CLTRN: variants seen among roughly 807,000 people sequenced by gnomAD.
The protein encoded by CLTRN is collectrin, amino acid transport regulator.
Under a neutral mutation model 14.5 loss-of-function variants are expected in CLTRN, and 12 were observed. The ratio of observed to expected loss-of-function variants is 0.83; its 90% confidence interval spans 0.53 to 1.34. The LOEUF is 1.34. CLTRN is among the 40% of genes most tolerant of loss of function. The probability of loss-of-function intolerance (pLI) is 0.00; values close to 1 mark genes in which losing one functional copy is unlikely to be tolerated. For missense variants in CLTRN, 154 were observed against 165.1 expected (o/e 0.93, Z 0.37); for synonymous variants, 58 against 56.5 (o/e 1.03, Z -0.12).
upstream of CLTRN, chrX:15,664,816 A>T: frequency 9.1e-7 from 1 of 1,103,939 alleles, no homozygotes; most frequent in Non-Finnish European, 1.2e-6. Context: ...GAGAAAAAAA[A>T]AATCCACGCT....
At chrX:15,657,115 T>C (rs747406751) in intron 3 of CLTRN, among the ~76,000 whole-genome samples, 3 of 110,610 alleles carry the variant, frequency 2.7e-5, no homozygotes, top group Admixed American at 9.6e-5. Flanking sequence ...CTCAGCCTCC[T>C]GAGTAGCTGG....
chrX:15,634,638 G>A (rs182722603), intron 5 of CLTRN, among the ~76,000 whole-genome samples: 122 of 109,460 alleles, frequency 1.1e-3, no homozygotes, highest in African/African-American at 4.0e-3. Context: ...CTCCCTAATT[G>A]TTGCCCCAAA....
chrX:15,646,462 A>ACCCCCCCCCCCCACCCC, intron 3 of CLTRN: 1 of 170,839 alleles, frequency 5.9e-6, no homozygotes. Context: ...CCGCGCACCC[A>ACCCCCCCCCCCCACCCC]CCCCCCCGCC....
At chrX:15,665,027 A>T (rs781004153), upstream of CLTRN, 34 of 352,986 alleles carry the variant, frequency 9.6e-5, no homozygotes, top group Non-Finnish European at 1.5e-4. Context: ...ACTCTACCTC[A>T]AAAGAATGTC....
chrX:15,628,021 G>A lies in CLTRN; in HGVS notation c.619C>T (p.His207Tyr). 1 of 1,134,789 alleles carries A rather than the reference G, an allele frequency of 8.8e-7. No homozygotes were observed. The highest frequency in any genetic ancestry group is 1.2e-6 in the Non-Finnish European group (1 of 852,405). 93.5% of individuals were successfully genotyped at this position (1,134,789 alleles called of 1,213,427 possible). ...PSDPLDMKGG[H>Y]INDAFMTEDE... ...TCTGTCATGAAGGCATCATTAATAT[G>A]CCCTCCCTTCATGTCCAGGGGATCA... Residue 207 changes from histidine to tyrosine, a missense_variant, in exon 6 of 6, where the codon CAT (histidine) becomes TAT (tyrosine). Transcript: ENST00000380342.
intron 3 of CLTRN, among the ~76,000 whole-genome samples, chrX:15,651,909 C>T (rs1056458102): frequency 1.8e-5 from 2 of 111,553 alleles, no homozygotes; most frequent in Non-Finnish European, 3.8e-5. Context: ...GAAACTTTAT[C>T]TACTCACCTA....
intron 3 of CLTRN, among the ~76,000 whole-genome samples, chrX:15,645,719 G>C (rs183091920): frequency 7.2e-4 from 81 of 112,208 alleles, no homozygotes; most frequent in African/African-American, 2.6e-3. Flanking sequence ...ACAAGTGAAA[G>C]GGGAGAAATG....
intron 5 of CLTRN, among the ~76,000 whole-genome samples, chrX:15,639,055 T>C (rs927625254): frequency 9.0e-6 from 1 of 111,623 alleles, no homozygotes; most frequent in African/African-American, 3.3e-5. Context: ...TTCAATATCA[T>C]AGGCACACAA....
At chrX:15,662,815 C>T (rs895545036) in intron 2 of CLTRN, among the ~76,000 whole-genome samples, 1 of 111,535 alleles carries the variant, frequency 9.0e-6, no homozygotes, top group Non-Finnish European at 1.9e-5. Flanking sequence ...CTCTCAACGG[C>T]ATTTGATGCT....
chrX:15,646,588 C>T, intron 3 of CLTRN: 1 of 341,705 alleles, frequency 2.9e-6, no homozygotes, highest in Non-Finnish European at 5.9e-6. Context: ...TGCATCCAGC[C>T]CCTCCCCACC....
upstream of CLTRN, among the ~76,000 whole-genome samples, chrX:15,668,648 T>C (rs952057352): frequency 1.8e-5 from 2 of 111,889 alleles, no homozygotes; most frequent in Admixed American, 9.5e-5. Context: ...GCGTTTTTTT[T>C]CCTAGCCTTT....
At chrX:15,662,399 GA>G (rs774461397) in intron 2 of CLTRN, among the ~76,000 whole-genome samples, 1 of 111,109 alleles carries the variant, frequency 9.0e-6, no homozygotes, top group East Asian at 2.8e-4. Flanking sequence ...CTTATATTAG[GA>G]ATGCTTCTCC....
At chrX:15,645,419 T>C (rs748131132) in intron 3 of CLTRN, among the ~76,000 whole-genome samples, 1 of 111,352 alleles carries the variant, frequency 9.0e-6, no homozygotes, top group East Asian at 2.8e-4. Context: ...CCATTCAGTC[T>C]TCCACCTCTC....
chrX:15,665,297 A>G (rs748491417), upstream of CLTRN, among the ~76,000 whole-genome samples: 1 of 112,122 alleles, frequency 8.9e-6, no homozygotes, highest in East Asian at 2.8e-4. Flanking sequence ...ACATCCCAGG[A>G]GAGCTTCGGA....
At chrX:15,648,267 A>G (rs1401218146) in intron 3 of CLTRN, among the ~76,000 whole-genome samples, 1 of 112,093 alleles carries the variant, frequency 8.9e-6, no homozygotes, top group Non-Finnish European at 1.9e-5. Context: ...TGTTCCACAG[A>G]TTAAAGGAAA....
chrX:15,633,429 C>G (rs1928747960), intron 5 of CLTRN, among the ~76,000 whole-genome samples: 1 of 112,413 alleles, frequency 8.9e-6, no homozygotes, highest in African/African-American at 3.2e-5. Context: ...CAGAATGAAA[C>G]AAGACTGGTG....
chrX:15,646,664 CG>C (rs1212575737), intron 3 of CLTRN: 1 of 339,902 alleles, frequency 2.9e-6, no homozygotes, highest in African/African-American at 2.7e-5. Context: ...CCCGCATCCG[CG>C]TCCTGAGAGA....
chrX:15,646,437 C>G (rs1929069620), intron 3 of CLTRN: 5 of 321,574 alleles, frequency 1.6e-5, no homozygotes, highest in Non-Finnish European at 2.5e-5. Flanking sequence ...CCTGGGCTGG[C>G]TCTGGGCCAG....
chrX:15,657,809 T>C (rs1346813956), intron 3 of CLTRN, among the ~76,000 whole-genome samples: 1 of 112,264 alleles, frequency 8.9e-6, no homozygotes, highest in Non-Finnish European at 1.9e-5. Context: ...TTTTATTATA[T>C]ACCTTCTTTT....
Sources: allele counts gnomAD v4.1 joint callset (sites outside exome capture counted in the v4.1 genomes callset), GRCh38; gene constraint gnomAD v4.1.1; transcripts MANE v1.5; gene names NCBI Gene and HGNC (gene_info 2026-07-23, HGNC 2026-07-21).